The following RBFOX1 variants were observed in gnomAD, a reference collection of about 807,000 sequenced individuals.
The protein encoded by RBFOX1 is RNA binding protein fox-1 homolog 1.
A neutral mutation model predicts 57.7 loss-of-function variants in RBFOX1; 8 were observed. That is an observed-to-expected ratio of 0.14 (90% confidence interval 0.08 to 0.25). The LOEUF (loss-of-function observed/expected upper bound fraction) is 0.25. Among genes scored for constraint, RBFOX1 ranks in the 10% least tolerant of loss-of-function variants. The pLI is 1.00. For synonymous variants in RBFOX1, 326 were observed against 222.4 expected, an observed-to-expected ratio of 1.47 and a Z score of -4.15; for missense variants, 611 against 548.5, an observed-to-expected ratio of 1.11 and a Z score of -1.14.
At position 5,447,210 on chromosome 16, in the gene RBFOX1, C is replaced by T. The variant is rs1026850275; in HGVS notation, c.220-20006C>T. ...CCCTCAAAGGAGTATTGTCCTGCCA[C>T]CTTCTTGGTGAAGGCAGTGTGTGTG... is the stretch of plus-strand genomic sequence containing the variant. On this transcript the variant is annotated intron_variant, in intron 1 of 2. Transcript: ENST00000585867. Among the ~76,000 whole-genome samples, 7 of 152,238 alleles carry T rather than the reference C, an allele frequency of 4.6e-5. No homozygotes were observed. In the East Asian group the frequency reaches 1.4e-3, roughly 29 times the overall value.
chr16:5,846,274 T>A (rs147739370), intron 3 of RBFOX1, among the ~76,000 whole-genome samples: 1 of 151,332 alleles, frequency 6.6e-6, no homozygotes, highest in African/African-American at 2.4e-5. Flanking sequence ...GCATCTTTGA[T>A]GAAAGAAGAG....
chr16:7,045,669 G>C (rs58810589), intron 3 of RBFOX1, among the ~76,000 whole-genome samples: 17,692 of 151,240 alleles, frequency 0.12, 1,710 homozygotes, highest in East Asian at 0.29. Context: ...TTTTTCAATA[G>C]AGCGAGACAT....
At chr16:5,342,660 G>C (rs1279348792) in intron 1 of RBFOX1, among the ~76,000 whole-genome samples, 1 of 152,128 alleles carries the variant, frequency 6.6e-6, no homozygotes, top group Non-Finnish European at 1.5e-5. Flanking sequence ...TGGGGTAGGA[G>C]AGCTGGTCTT....
intron 12 of RBFOX1, among the ~76,000 whole-genome samples, chr16:7,664,367 G>A (rs1302203304): frequency 6.6e-6 from 1 of 152,092 alleles, no homozygotes; most frequent in Non-Finnish European, 1.5e-5. Context: ...ATAAAATAAT[G>A]CACGTGCAAT....
In RBFOX1 at chr16:5,529,186, A is replaced by G. The variant is rs139395681; in HGVS notation, c.258+61932A>G. ...TTTCTTGGCCTTACTTGCCCCACCT[A>G]TAAAATGGGAATGATCATTATTTAC... On this transcript the variant is annotated intron_variant, in intron 2 of 2. Transcript: ENST00000585867. Among the ~76,000 whole-genome samples, 547 of 152,184 alleles carry G rather than the reference A, an allele frequency of 3.6e-3. 7 individuals carry two copies. The highest frequency in any genetic ancestry group is 0.013 in the East Asian group (68 of 5,158).
chr16:6,042,275 A>G (rs537038529), intron 1 of RBFOX1, among the ~76,000 whole-genome samples: 6 of 151,798 alleles, frequency 4.0e-5, no homozygotes, highest in African/African-American at 1.4e-4. Context: ...TAATTTTTGT[A>G]TTTTTAGTAG....
At chr16:5,916,825 G>C (rs1329251324) in intron 4 of RBFOX1, among the ~76,000 whole-genome samples, 2 of 152,232 alleles carry the variant, frequency 1.3e-5, no homozygotes, top group East Asian at 3.9e-4. Flanking sequence ...GAGAGAGTCG[G>C]AAACCACATC....
At chr16:5,340,347 G>A (rs2065006315) in intron 1 of RBFOX1, among the ~76,000 whole-genome samples, 1 of 152,170 alleles carries the variant, frequency 6.6e-6, no homozygotes, top group Admixed American at 6.5e-5. Flanking sequence ...GTATATTGGT[G>A]CCATAATGAT....
intron 4 of RBFOX1, among the ~76,000 whole-genome samples, chr16:7,488,516 CCTAT>C (rs1342386965): frequency 3.3e-5 from 5 of 152,120 alleles, no homozygotes; most frequent in Admixed American, 6.6e-5. Context: ...CCATTGTCTA[CCTAT>C]CTACTATCTA....
intron 3 of RBFOX1, among the ~76,000 whole-genome samples, chr16:6,946,789 C>T (rs2079617488): frequency 6.6e-6 from 1 of 152,080 alleles, no homozygotes; most frequent in Non-Finnish European, 1.5e-5. Flanking sequence ...AAATTTTTTG[C>T]AGAGACAGGG....
At chr16:5,622,673 C>T (rs1567310912) in intron 3 of RBFOX1, among the ~76,000 whole-genome samples, 1 of 152,214 alleles carries the variant, frequency 6.6e-6, no homozygotes, top group African/African-American at 2.4e-5. Flanking sequence ...ACAGCCACAC[C>T]TGTTCATTTA....
chr16:7,198,684 A>C (rs1461452154), intron 4 of RBFOX1, among the ~76,000 whole-genome samples: 2 of 152,196 alleles, frequency 1.3e-5, no homozygotes, highest in Non-Finnish European at 2.9e-5. Flanking sequence ...ACTCACTTTT[A>C]TAACAATCCA....
At chr16:6,557,904 T>C (rs1234053803) in intron 2 of RBFOX1, among the ~76,000 whole-genome samples, 12 of 152,200 alleles carry the variant, frequency 7.9e-5, no homozygotes, top group African/African-American at 2.9e-4. Context: ...TCCCCAATGC[T>C]TCTTCAGCGA....
Position 6,518,219 on chromosome 16 carries a change from G to A in RBFOX1, c.-63-136384G>A, listed in dbSNP as rs2096418705. On this transcript the variant is annotated intron_variant, in intron 2 of 15. Transcript: ENST00000550418. ...TTGATAAGGTTTTATTGATTACCTT[G>A]AGGGTTGTCTGGGCCAAACACCATG... Among the ~76,000 whole-genome samples, 2 of 152,130 alleles carry A rather than the reference G, an allele frequency of 1.3e-5. 1 individual carries two copies. Among genetic ancestry groups the A allele is most frequent in the South Asian group, 4.2e-4 (2 of 4,816 alleles).
intron 4 of RBFOX1, among the ~76,000 whole-genome samples, chr16:5,898,492 G>A (rs1054421798): frequency 2.7e-5 from 4 of 150,234 alleles, no homozygotes; most frequent in African/African-American, 9.7e-5. Flanking sequence ...TTAAGGAGGA[G>A]TAATGATGAT....
At chr16:6,508,472 C>A (rs983904405) in intron 2 of RBFOX1, among the ~76,000 whole-genome samples, 1 of 152,008 alleles carries the variant, frequency 6.6e-6, no homozygotes, top group Non-Finnish European at 1.5e-5. Context: ...ATTCAAAAAA[C>A]CAAAAAGAAA....
chr16:7,588,073 G>T (rs1396974909), intron 7 of RBFOX1, among the ~76,000 whole-genome samples: 1 of 152,212 alleles, frequency 6.6e-6, no homozygotes, highest in Non-Finnish European at 1.5e-5. Context: ...CAGCTACTCG[G>T]GAGGCTGAGG....
chr16:5,904,785 G>C (rs990781586), intron 4 of RBFOX1, among the ~76,000 whole-genome samples: 1 of 151,614 alleles, frequency 6.6e-6, no homozygotes, highest in African/African-American at 2.4e-5. Flanking sequence ...AGACCATCCT[G>C]GCTAACACAG....
chr16:6,654,026 C>G (rs1043497485), intron 2 of RBFOX1, among the ~76,000 whole-genome samples: 2 of 141,714 alleles, frequency 1.4e-5, no homozygotes, highest in African/African-American at 5.4e-5. Context: ...GTGGGTGGGT[C>G]AATGAATGGA....
Sources: gnomAD v4.1 joint callset for allele counts (sites outside exome capture counted in the v4.1 genomes callset) on GRCh38, gnomAD v4.1.1 for gene constraint, MANE v1.5 for transcripts, NCBI Gene and HGNC (gene_info 2026-07-23, HGNC 2026-07-21) for gene names.